The following MTUS2 variants were observed in gnomAD, a reference collection of about 807,000 sequenced individuals.
The protein encoded by MTUS2 is microtubule associated scaffold protein 2.
A neutral mutation model predicts 114.1 loss-of-function variants in MTUS2; 40 were observed. The observed-to-expected ratio is 0.35, with a 90% CI of 0.27 to 0.46. The LOEUF (loss-of-function observed/expected upper bound fraction) is 0.46, where lower values mean the gene tolerates loss of function less well. Ranked by LOEUF, MTUS2 falls within the 20% of genes least tolerant of loss-of-function variation. MTUS2 has a pLI of 1.00. For synonymous variants in MTUS2, 688 were observed against 672.0 expected (o/e 1.02, Z -0.37); for missense variants, 1,679 against 1,705.4 (o/e 0.98, Z 0.27).
At chr13:29,076,036 C>T (rs1889178160) in intron 4 of MTUS2, among the ~76,000 whole-genome samples, 2 of 152,284 alleles carry the variant, frequency 1.3e-5, no homozygotes, top group East Asian at 1.9e-4. Context: ...TTTTTAAGTT[C>T]ATAAGTTACA....
intron 2 of MTUS2, among the ~76,000 whole-genome samples, chr13:28,873,346 G>A (rs746255610): frequency 5.3e-5 from 8 of 152,272 alleles, no homozygotes; most frequent in Non-Finnish European, 7.4e-5. Context: ...TCATCATTTA[G>A]ATAGAAGCAC....
chr13:29,309,680 ATAG>A (rs1899659969), intron 6 of MTUS2, among the ~76,000 whole-genome samples: 1 of 152,188 alleles, frequency 6.6e-6, no homozygotes, highest in Non-Finnish European at 1.5e-5. Flanking sequence ...TTCAGACCAC[ATAG>A]TAGGTTCTAA....
chr13:29,012,655 C>T (rs887525243), intron 2 of MTUS2, among the ~76,000 whole-genome samples: 14 of 152,048 alleles, frequency 9.2e-5, no homozygotes, highest in African/African-American at 1.4e-4. Flanking sequence ...GGGCGGATCA[C>T]GAGGTCAGGA....
chr13:28,910,357 T>A (rs1880335204), intron 2 of MTUS2, among the ~76,000 whole-genome samples: 1 of 151,712 alleles, frequency 6.6e-6, no homozygotes, highest in South Asian at 2.1e-4. Context: ...TTTTTTGTTC[T>A]TATTCTTTTT....
At position 29,231,312 on chromosome 13, in the gene MTUS2, T is replaced by G. The variant is rs573282683; in HGVS notation, c.2645-50392T>G. On this transcript the variant is annotated intron_variant, in intron 5 of 15. Coordinates refer to ENST00000612955, the MANE Select transcript of MTUS2 (RefSeq NM_001033602.4). Reference sequence around the variant, plus strand: ...ATTAAGCTCCTTTAAAAAAGTTTTTTAAAACTTTTTCCAACACACAAAACT... The same window carrying G: ...ATTAAGCTCCTTTAAAAAAGTTTTTGAAAACTTTTTCCAACACACAAAACT... Among the ~76,000 whole-genome samples the G allele has an allele frequency of 8.9e-4, 136 of 152,346 alleles. 1 individual carries two copies. The highest frequency in any genetic ancestry group is 2.3e-3 in the South Asian group (11 of 4,826).
At chr13:29,166,976 A>G (rs747319095) in intron 5 of MTUS2, among the ~76,000 whole-genome samples, 124 of 152,348 alleles carry the variant, frequency 8.1e-4, no homozygotes, top group Admixed American at 2.4e-3. Flanking sequence ...GAACAGAAGT[A>G]TCTACCAAGC....
At chr13:28,912,621 G>C (rs1199219186) in intron 2 of MTUS2, among the ~76,000 whole-genome samples, 1 of 151,988 alleles carries the variant, frequency 6.6e-6, no homozygotes, top group Non-Finnish European at 1.5e-5. Flanking sequence ...CCATTTTCAT[G>C]ATGTTGATTC....
chr13:28,873,644 A>G (rs2138109784), intron 2 of MTUS2, among the ~76,000 whole-genome samples: 1 of 152,350 alleles, frequency 6.6e-6, no homozygotes, highest in East Asian at 1.9e-4. Flanking sequence ...TGGGTTTCAA[A>G]GTAAAATCAC....
At chr13:29,230,150 G>T (rs1233503738) in intron 5 of MTUS2, among the ~76,000 whole-genome samples, 1 of 152,216 alleles carries the variant, frequency 6.6e-6, no homozygotes, top group Non-Finnish European at 1.5e-5. Context: ...GGAGGCTGAG[G>T]CAGGAGAATG....
At chr13:29,340,111 G>C (rs1445660109) in intron 7 of MTUS2, among the ~76,000 whole-genome samples, 1 of 152,222 alleles carries the variant, frequency 6.6e-6, no homozygotes, top group Non-Finnish European at 1.5e-5. Context: ...GGTTCCGCAC[G>C]GGCCAGGCCG....
At chr13:28,985,191 C>T (rs572695011) in intron 2 of MTUS2, among the ~76,000 whole-genome samples, 6 of 152,220 alleles carry the variant, frequency 3.9e-5, no homozygotes, top group East Asian at 1.9e-4. Flanking sequence ...TCCCAGATAT[C>T]GGAGCTTAAT....
intron 2 of MTUS2, among the ~76,000 whole-genome samples, chr13:28,882,239 A>C (rs1878334360): frequency 1.3e-5 from 2 of 151,976 alleles, no homozygotes; most frequent in Admixed American, 6.6e-5. Flanking sequence ...TTATATTTTT[A>C]GTAGGGGCAG....
chr13:28,930,980 C>T (rs867525214), intron 2 of MTUS2, among the ~76,000 whole-genome samples: 42 of 152,264 alleles, frequency 2.8e-4, no homozygotes, highest in African/African-American at 8.7e-4. Context: ...AGTGGGCAGA[C>T]CTGGAGTCAG....
rs138663181 is a variant in MTUS2, at chr13:28,936,787, G to A, written c.-242-87670G>A. 3.3e-3 allele frequency among the ~76,000 whole-genome samples: 509 copies of A among 152,322 alleles called. 2 individuals carry two copies. The highest frequency in any genetic ancestry group is 0.012 in the African/African-American group (480 of 41,564). ...TTTCTTCTGAGATGTTGATCCTGAA[G>A]AGATGGTGCCGAATGCTCAGTTGCC... On this transcript the variant is annotated intron_variant, in intron 2 of 15. Coordinates refer to ENST00000612955, the MANE Select transcript of MTUS2 (RefSeq NM_001033602.4).
chr13:29,200,933 G>A (rs911044926), intron 5 of MTUS2, among the ~76,000 whole-genome samples: 1 of 152,140 alleles, frequency 6.6e-6, no homozygotes, highest in African/African-American at 2.4e-5. Context: ...TTCCAATTAA[G>A]TAGTCAATTT....
At chr13:29,457,164 T>A (rs1316723011) in intron 9 of MTUS2, among the ~76,000 whole-genome samples, 1 of 151,790 alleles carries the variant, frequency 6.6e-6, no homozygotes, top group Non-Finnish European at 1.5e-5. Context: ...AAAAGACTAT[T>A]CTTTTTGTTG....
chr13:29,488,081 G>GC (rs761394736), intron 11 of MTUS2, 76 bp downstream of exon 11: 9 of 1,133,696 alleles, frequency 7.9e-6, no homozygotes, highest in South Asian at 1.2e-5. Context: ...GATGTGTGGA[G>GC]CCCCCCTTCC....
intron 2 of MTUS2, among the ~76,000 whole-genome samples, chr13:28,850,734 C>T (rs1876213643): frequency 6.6e-6 from 1 of 152,182 alleles, no homozygotes; most frequent in Admixed American, 6.5e-5. Context: ...GGTCTTTAGA[C>T]AGTTGATTCA....
intron 12 of MTUS2, among the ~76,000 whole-genome samples, chr13:29,493,323 G>A (rs894624651): frequency 8.5e-5 from 13 of 152,156 alleles, no homozygotes; most frequent in African/African-American, 1.9e-4. Flanking sequence ...TACAGAGACC[G>A]AGGTAGCTGC....
Sources: gnomAD v4.1 joint callset for allele counts (sites outside exome capture counted in the v4.1 genomes callset) on GRCh38, gnomAD v4.1.1 for gene constraint, MANE v1.5 for transcripts, NCBI Gene and HGNC (gene_info 2026-07-23, HGNC 2026-07-21) for gene names.